PPP3CA: variants seen among roughly 807,000 people sequenced by gnomAD.
PPP3CA encodes CAM-PRP catalytic subunit.
A neutral mutation model predicts 66.5 loss-of-function variants in PPP3CA; 14 were observed. The observed-to-expected ratio is 0.21, with a 90% CI of 0.14 to 0.33. PPP3CA has a LOEUF of 0.33. PPP3CA is among the 10% of genes least tolerant of loss of function. The pLI, the probability that PPP3CA is intolerant of heterozygous loss-of-function variation, is 1.00. For missense variants in PPP3CA, 317 were observed against 639.5 expected (o/e 0.50, Z 5.44); for synonymous variants, 232 against 226.2 (o/e 1.03, Z -0.23).
At chr4:101,124,737 A>AAGAAAG (rs1722174990) in intron 2 of PPP3CA, among the ~76,000 whole-genome samples, 7 of 74,014 alleles carry the variant, frequency 9.5e-5, no homozygotes, top group Admixed American at 8.2e-4. Context: ...GAAAGAAAGA[A>AAGAAAG]AGAAAGAAAG....
At chr4:101,237,591 T>A (rs1236389029) in intron 1 of PPP3CA, among the ~76,000 whole-genome samples, 1 of 149,878 alleles carries the variant, frequency 6.7e-6, no homozygotes, top group South Asian at 2.1e-4. Flanking sequence ...TTTCATAATA[T>A]CATGCACTAG....
At chr4:101,219,326 T>C (rs1033363259) in intron 1 of PPP3CA, among the ~76,000 whole-genome samples, 6 of 151,994 alleles carry the variant, frequency 3.9e-5, no homozygotes, top group Non-Finnish European at 8.8e-5. Context: ...ATAATGAACA[T>C]TGCAGATACA....
chr4:101,030,722 C>T (rs1204059039), intron 12 of PPP3CA, among the ~76,000 whole-genome samples: 1 of 152,150 alleles, frequency 6.6e-6, no homozygotes, highest in Non-Finnish European at 1.5e-5. Flanking sequence ...CCAGCACTGA[C>T]ATATTAGAAC....
At chr4:101,285,376 T>C (rs1187754039) in intron 1 of PPP3CA, among the ~76,000 whole-genome samples, 3 of 152,070 alleles carry the variant, frequency 2.0e-5, no homozygotes, top group African/African-American at 7.3e-5. Context: ...TAAATAGATT[T>C]ACATCTAATA....
At chr4:101,234,166 C>T (rs1306441191) in intron 1 of PPP3CA, among the ~76,000 whole-genome samples, 1 of 151,734 alleles carries the variant, frequency 6.6e-6, no homozygotes, top group East Asian at 1.9e-4. Flanking sequence ...AGGTTGATTC[C>T]ATGTCTTTCC....
intron 2 of PPP3CA, among the ~76,000 whole-genome samples, chr4:101,154,262 T>A (rs1723237349): frequency 6.6e-6 from 1 of 152,226 alleles, no homozygotes; most frequent in African/African-American, 2.4e-5. Flanking sequence ...AAATATTTGC[T>A]GTTCTCCCAA....
intron 1 of PPP3CA, among the ~76,000 whole-genome samples, chr4:101,226,651 A>G (rs892402459): frequency 4.0e-5 from 6 of 151,690 alleles, no homozygotes; most frequent in Non-Finnish European, 3.0e-5. Context: ...AAGTCCTTGA[A>G]ACCTGGCACA....
intron 2 of PPP3CA, among the ~76,000 whole-genome samples, chr4:101,174,027 G>A (rs959913827): frequency 1.5e-4 from 23 of 151,872 alleles, no homozygotes; most frequent in African/African-American, 4.1e-4. Flanking sequence ...ACTCCAGCCC[G>A]GGCAACAGAA....
At chr4:101,047,733 T>A (rs922708893) in intron 10 of PPP3CA, among the ~76,000 whole-genome samples, 3 of 152,068 alleles carry the variant, frequency 2.0e-5, no homozygotes, top group Non-Finnish European at 4.4e-5. Context: ...GTTACAGGTA[T>A]GCTAAACTTT....
chr4:101,093,107 C>T (rs1476667670), intron 6 of PPP3CA, among the ~76,000 whole-genome samples: 1 of 152,212 alleles, frequency 6.6e-6, no homozygotes, highest in Non-Finnish European at 1.5e-5. Flanking sequence ...TCCACATCCT[C>T]TCCAGCATCC....
intron 11 of PPP3CA, among the ~76,000 whole-genome samples, chr4:101,033,373 A>C (rs1244933453): frequency 1.3e-5 from 2 of 151,864 alleles, no homozygotes; most frequent in Non-Finnish European, 2.9e-5. Context: ...CCAAATTTTT[A>C]CGAAGGTGTC....
intron 1 of PPP3CA, among the ~76,000 whole-genome samples, chr4:101,306,188 G>GT (rs1728530268): frequency 6.6e-6 from 1 of 152,166 alleles, no homozygotes; most frequent in African/African-American, 2.4e-5. Context: ...GGGTTTCTAA[G>GT]TTAGTTGGCT....
chr4:101,112,705 G>T (rs182454285), intron 2 of PPP3CA, among the ~76,000 whole-genome samples: 2 of 152,198 alleles, frequency 1.3e-5, no homozygotes, highest in African/African-American at 4.8e-5. Context: ...GCTCAGTAAG[G>T]TCTTTCTTGA....
At chr4:101,245,888 T>C (rs892477969) in intron 1 of PPP3CA, among the ~76,000 whole-genome samples, 7 of 152,076 alleles carry the variant, frequency 4.6e-5, no homozygotes, top group African/African-American at 1.7e-4. Context: ...TATATTATCA[T>C]TCATCAATTC....
At chr4:101,171,204 A>C (rs1454553550) in intron 2 of PPP3CA, 2 of 456,056 alleles carry the variant, frequency 4.4e-6, no homozygotes, top group Admixed American at 4.7e-5. Flanking sequence ...TTGGTGTGTG[A>C]ATCGGGGTCA....
intron 1 of PPP3CA, among the ~76,000 whole-genome samples, chr4:101,277,134 T>C (rs1455119691): frequency 6.6e-6 from 1 of 152,216 alleles, no homozygotes; most frequent in Non-Finnish European, 1.5e-5. Context: ...GCCTTTTCCA[T>C]AATATCACAT....
At chr4:101,337,720 A>G (rs926287460) in intron 1 of PPP3CA, among the ~76,000 whole-genome samples, 8 of 152,262 alleles carry the variant, frequency 5.3e-5, no homozygotes, top group African/African-American at 1.9e-4. Context: ...GGAAAGGCCC[A>G]GCTGGCTTTC....
At chr4:101,129,368 G>C (rs1315793749) in intron 2 of PPP3CA, among the ~76,000 whole-genome samples, 1 of 152,168 alleles carries the variant, frequency 6.6e-6, no homozygotes, top group African/African-American at 2.4e-5. Context: ...GAGAGCAGCA[G>C]ATCTCCCAGC....
At chr4:101,045,240 GAAC>G (rs1180944091) in intron 10 of PPP3CA, among the ~76,000 whole-genome samples, 1 of 152,206 alleles carries the variant, frequency 6.6e-6, no homozygotes, top group Admixed American at 6.5e-5. Flanking sequence ...GAGATCACAT[GAAC>G]AACAACAATA....
Sources: gnomAD v4.1 joint callset for allele counts (sites outside exome capture counted in the v4.1 genomes callset) on GRCh38, gnomAD v4.1.1 for gene constraint, MANE v1.5 for transcripts, NCBI Gene and HGNC (gene_info 2026-07-23, HGNC 2026-07-21) for gene names.